BUB1: variants seen among roughly 807,000 people sequenced by gnomAD.
BUB1 encodes mitotic checkpoint serine/threonine-protein kinase BUB1.
BUB1 carries 84 observed loss-of-function variants against 135.2 expected under a neutral mutation model. The observed-to-expected ratio is 0.62, with a 90% CI of 0.52 to 0.74. BUB1 has a LOEUF of 0.74. Ranked by LOEUF, BUB1 falls within the 30% of genes least tolerant of loss-of-function variation. BUB1 has a pLI of 0.00. For synonymous variants in BUB1, 403 were observed against 434.4 expected (o/e 0.93, Z 0.90); for missense variants, 1,162 against 1,288.3 (o/e 0.90, Z 1.50).
rs58393999 is a variant in BUB1, at chr2:110,644,058, C to CAAAA, written c.2348-1828_2348-1825dup. Reference sequence around the variant, plus strand: ...AATAAAAACTTCCAAAACTGAAATGCAAAAAAAAAAAAAAAAAAAAAAATA... The same window carrying CAAAA: ...AATAAAAACTTCCAAAACTGAAATGCAAAAAAAAAAAAAAAAAAAAAAAAAAATA... On this transcript the variant is annotated intron_variant, in intron 19 of 24. Transcript: ENST00000302759. 4.7e-3 allele frequency among the ~76,000 whole-genome samples: 188 copies of CAAAA among 39,666 alleles called. 4 individuals are homozygous for CAAAA. The highest frequency in any genetic ancestry group is 6.1e-3 in the African/African-American group (49 of 8,030). The allele number at this position is 39,666 out of a possible 152,430, so 26.0% of individuals were successfully genotyped here.
chr2:110,657,532 T>G lies in BUB1; in HGVS notation c.1616+14A>C, dbSNP rs757564910. On this transcript the variant is annotated intron_variant, in intron 14 of 24. Coordinates refer to ENST00000302759, the MANE Select transcript of BUB1 (RefSeq NM_004336.5). ...ACTCGGCAGCATCCCATTAACTAGA[T>G]GGTATTTTTTTACCCATAATTTTCT... The G allele has an allele frequency of 3.2e-6, 5 of 1,577,858 alleles. No individual in the cohort carries two copies. Among genetic ancestry groups the G allele is most frequent in the Non-Finnish European group, 4.3e-6 (5 of 1,156,450 alleles).
intron 15 of BUB1, 91 bp downstream of exon 15, chr2:110,656,945 T>C (rs1414399435): frequency 3.5e-6 from 3 of 864,582 alleles, no homozygotes; most frequent in Middle Eastern, 2.3e-4. Flanking sequence ...TAGTTTCACA[T>C]ACACAATATC....
intron 5 of BUB1, 29 bp downstream of exon 5, chr2:110,670,496 A>C: frequency 6.2e-7 from 1 of 1,611,794 alleles, no homozygotes; most frequent in Non-Finnish European, 8.5e-7. Context: ...AATGGACAAC[A>C]ACAGGCATTT....
rs751876699 is a variant in BUB1, at chr2:110,650,596, A to G, written c.2153T>C (p.Leu718Pro). 14 of 1,613,778 alleles carry G rather than the reference A, an allele frequency of 8.7e-6. No homozygotes were observed. In the South Asian group the frequency reaches 1.4e-4, roughly 16 times the overall value. The change falls in exon 18 of 25, where the codon CTC becomes CCC. Residue 718 changes from leucine (L) to proline (P), a missense_variant. Coordinates refer to ENST00000302759, the MANE Select transcript of BUB1 (RefSeq NM_004336.5). ...AEDPPDAIAG[L>P]QAEWMQMSSL... The stretch of plus-strand genomic sequence containing the variant: ...ACTCATCTGCATCCATTCTGCTTGG[A>G]GCCCAGCAATAGCATCTGGTGGATC...
chr2:110,642,053 T>C, intron 20 of BUB1, 66 bp downstream of exon 20: 1 of 1,282,816 alleles, frequency 7.8e-7, no homozygotes. Context: ...GAAAAAAAAT[T>C]TCTTGGCAAA....
rs1161999541 is a variant in BUB1 at position 110,661,659 on chromosome 2, C to G, written c.1140G>C (p.Gln380His). ...TCAAAGGAACAGGAGGAGCAATGCT[C>G]TGGCTGGTGGCTGGGGACACCAAAG... ...SAALVSPATSQSIAPPVPLKA... is the reference protein window; with the variant it reads ...SAALVSPATSHSIAPPVPLKA... Residue 380 changes from glutamine (Q) to histidine (H), a missense_variant, in exon 10 of 25, where the codon CAG (glutamine) becomes CAC (histidine). Physicochemically the swap from Gln to His is conservative, Grantham distance 24. Transcript: ENST00000302759. The G allele has an allele frequency of 6.2e-7, 1 of 1,614,200 alleles. No homozygotes were observed. The highest frequency in any genetic ancestry group is 2.2e-5 in the East Asian group (1 of 44,884).
chr2:110,671,160 A>C (rs1242576947), intron 4 of BUB1, among the ~76,000 whole-genome samples: 1 of 152,240 alleles, frequency 6.6e-6, no homozygotes, highest in Non-Finnish European at 1.5e-5. Flanking sequence ...TTGGCTCTTA[A>C]GTCAAACAAA....
intron 9 of BUB1, among the ~76,000 whole-genome samples, chr2:110,662,713 G>A (rs1690131021): frequency 6.6e-6 from 1 of 152,066 alleles, no homozygotes; most frequent in African/African-American, 2.4e-5. Context: ...GAGGTGGGAG[G>A]ATCACTTGAG....
chr2:110,655,760 C>T lies in BUB1; in HGVS notation c.1855G>A (p.Val619Met), dbSNP rs1689915378. 6.2e-7 allele frequency: 1 copy of T among 1,613,660 alleles called. No individual in the cohort carries two copies. The highest frequency in any genetic ancestry group is 8.5e-7 in the Non-Finnish European group (1 of 1,179,666). ...ACACCTTTATCTTCTAAAATGTGCACTGACTCCACTGGAAGCTTGTGGAAT... is the reference window on the plus strand; with the variant it reads ...ACACCTTTATCTTCTAAAATGTGCATTGACTCCACTGGAAGCTTGTGGAAT... Reference protein sequence around the residue: ...TPFHKLPVESVHILEDKENVV... With the variant: ...TPFHKLPVESMHILEDKENVV... The change falls in exon 16 of 25, where the codon GTG becomes ATG. Residue 619 changes from valine (V) to methionine (M), a missense_variant. By Grantham distance (21) the Val-to-Met change is conservative. Transcript: ENST00000302759.
chr2:110,674,043 C>A, intron 3 of BUB1, 43 bp downstream of exon 3: 4 of 1,416,136 alleles, frequency 2.8e-6, no homozygotes, highest in Non-Finnish European at 3.9e-6. Context: ...AGCAAAAGTA[C>A]AACATGATTA....
intron 19 of BUB1, among the ~76,000 whole-genome samples, chr2:110,646,433 T>C (rs767529408): frequency 6.6e-6 from 1 of 152,094 alleles, no homozygotes; most frequent in Non-Finnish European, 1.5e-5. Context: ...AGTAAAAACA[T>C]GGTTGAACTG....
intron 23 of BUB1, 107 bp downstream of exon 23, chr2:110,640,927 C>T (rs1689483860): frequency 2.6e-6 from 3 of 1,165,242 alleles, no homozygotes; most frequent in African/African-American, 1.6e-5. Context: ...CCTTCAACTG[C>T]TCCTCAAAAG....
intron 13 of BUB1, among the ~76,000 whole-genome samples, chr2:110,658,102 A>T (rs1689980770): frequency 6.6e-6 from 1 of 151,930 alleles, no homozygotes; most frequent in East Asian, 1.9e-4. Context: ...GCCTCCTCTA[A>T]TACTCTGCCC....
chr2:110,658,042 G>A (rs1032742201), intron 13 of BUB1, among the ~76,000 whole-genome samples: 27 of 151,982 alleles, frequency 1.8e-4, no homozygotes, highest in African/African-American at 6.5e-4. Flanking sequence ...CATGATCTCT[G>A]GCTTCTAGCA....
intron 19 of BUB1, among the ~76,000 whole-genome samples, chr2:110,647,207 T>C (rs1199893520): frequency 2.6e-5 from 4 of 152,136 alleles, no homozygotes; most frequent in Non-Finnish European, 4.4e-5. Context: ...GGGGCCAGCA[T>C]TTCCCTGACA....
chr2:110,677,531 A>T (rs1574340343), intron 1 of BUB1, among the ~76,000 whole-genome samples: 2 of 152,130 alleles, frequency 1.3e-5, no homozygotes, highest in South Asian at 4.1e-4. Flanking sequence ...AAAGACTTTT[A>T]AAAAATAGCA....
chr2:110,642,540 T>C lies in BUB1; in HGVS notation c.2348-306A>G, dbSNP rs544742494. The C allele has an allele frequency of 5.7e-5, 10 of 175,136 alleles. 1 individual carries two copies. In the South Asian group the frequency reaches 1.5e-3, roughly 27 times the overall value. The allele number at this position is 175,136 out of a possible 1,614,324, so 10.8% of individuals were successfully genotyped here. A position where few individuals can be genotyped will look rare whatever the true frequency, so the allele number is the denominator to read the frequency against. On this transcript the variant is annotated intron_variant, in intron 19 of 24. Coordinates refer to ENST00000302759, the MANE Select transcript of BUB1 (RefSeq NM_004336.5). ...CTGGACTGTGACAGTTTCTCAGATGTTCCTTGTTTTTGATGACCTTGACAG... is the reference window on the plus strand; with the variant it reads ...CTGGACTGTGACAGTTTCTCAGATGCTCCTTGTTTTTGATGACCTTGACAG...
In BUB1 at chr2:110,642,193, C is replaced by T; in HGVS notation, c.2389G>A (p.Ala797Thr). ...GTAGCTTCGTACACCTGGGCAAAGG[C>T]TCCTTCTCCAAGAAGGTGATGGACA... ...VYVHHLLGEG[A>T]FAQVYEATQG... The change falls in exon 20 of 25, where the codon GCC (alanine) becomes ACC (threonine). Residue 797 changes from alanine to threonine, a missense_variant. Ala to Thr is a moderately conservative substitution (Grantham distance 58). Coordinates refer to ENST00000302759, the MANE Select transcript of BUB1 (RefSeq NM_004336.5). 1.2e-6 allele frequency: 2 copies of T among 1,613,752 alleles called. No individual in the cohort carries two copies. The highest frequency in any genetic ancestry group is 2.2e-5 in the East Asian group (1 of 44,862).
Position 110,670,561 on chromosome 2 carries a change from G to C in BUB1, c.430C>G (p.Gln144Glu). ...AAATGGGTTTCAGTGAGGCGTGTCT[G>C]AAATAACCTAAATGACAGCAGAAAA... Reference protein sequence around the residue: ...EFLQQQYRLFQTRLTETHLPA... With the variant: ...EFLQQQYRLFETRLTETHLPA... The change falls in exon 5 of 25, where the codon CAG becomes GAG. Residue 144 changes from glutamine to glutamate, a missense_variant. Gln to Glu is a conservative substitution (Grantham distance 29, BLOSUM62 2). Transcript: ENST00000302759. The C allele has an allele frequency of 6.2e-7, 1 of 1,613,976 alleles. No individual in the cohort carries two copies. The highest frequency in any genetic ancestry group is 8.5e-7 in the Non-Finnish European group (1 of 1,179,898).
Sources: gnomAD v4.1 joint callset for allele counts (sites outside exome capture counted in the v4.1 genomes callset) on GRCh38, gnomAD v4.1.1 for gene constraint, MANE v1.5 for transcripts, NCBI Gene and HGNC (gene_info 2026-07-23, HGNC 2026-07-21) for gene names.